EXOC4: variants seen among roughly 807,000 people sequenced by gnomAD.
EXOC4 encodes the protein exocyst complex component 4, also known as SEC8-like 1.
EXOC4 carries 71 observed loss-of-function variants against 107.2 expected under a neutral mutation model. The observed-to-expected ratio is 0.66, with a 90% CI of 0.55 to 0.81. The LOEUF is 0.81. Among genes scored for constraint, EXOC4 ranks in the 30% least tolerant of loss-of-function variants. The pLI, the probability that EXOC4 is intolerant of heterozygous loss-of-function variation, is 0.00. For synonymous variants in EXOC4, 456 were observed against 441.2 expected (o/e 1.03, Z -0.42); for missense variants, 1,108 against 1,189.6 (o/e 0.93, Z 1.01).
At chr7:133,482,017 C>T (rs1427734761) in intron 9 of EXOC4, among the ~76,000 whole-genome samples, 4 of 152,154 alleles carry the variant, frequency 2.6e-5, no homozygotes, top group Admixed American at 6.6e-5. Flanking sequence ...TCCACACTCA[C>T]GGTATCCTAA....
In EXOC4 at chr7:133,855,224, CA is replaced by C. The variant is rs575840119; in HGVS notation, c.1734+37682del. On this transcript the variant is annotated intron_variant, in intron 11 of 17. Coordinates refer to ENST00000253861, the MANE Select transcript of EXOC4 (RefSeq NM_021807.4). Reference sequence around the variant, plus strand: ...TTTTTCATGTACGGCTTACCCCAGACAATCAGTAGAGCACCTCTGCTGCTTT... The same window carrying C: ...TTTTTCATGTACGGCTTACCCCAGACATCAGTAGAGCACCTCTGCTGCTTT... 2.4e-3 allele frequency among the ~76,000 whole-genome samples: 350 copies of C among 147,804 alleles called. 1 individual carries two copies. The highest frequency in any genetic ancestry group is 0.013 in the South Asian group (59 of 4,682).
At chr7:134,029,428 T>C (rs185351826) in intron 17 of EXOC4, among the ~76,000 whole-genome samples, 276 of 152,312 alleles carry the variant, frequency 1.8e-3, no homozygotes, top group African/African-American at 6.4e-3. Context: ...TAGGGCTGGA[T>C]GGAGAATAGC....
At chr7:133,471,010 A>G (rs551837249) in intron 7 of EXOC4, among the ~76,000 whole-genome samples, 16 of 152,344 alleles carry the variant, frequency 1.1e-4, no homozygotes, top group African/African-American at 3.1e-4. Context: ...TTATATTTTA[A>G]TACTAGGCAT....
At chr7:133,714,810 C>G (rs1794966511) in intron 10 of EXOC4, among the ~76,000 whole-genome samples, 1 of 152,112 alleles carries the variant, frequency 6.6e-6, no homozygotes, top group Non-Finnish European at 1.5e-5. Context: ...AACCAGTCCC[C>G]ATACAGATAC....
chr7:133,931,577 C>A (rs1178508311), intron 13 of EXOC4, among the ~76,000 whole-genome samples: 6 of 152,100 alleles, frequency 3.9e-5, no homozygotes, highest in African/African-American at 1.4e-4. Flanking sequence ...GTAACTTAAA[C>A]TAAAAGTATA....
At chr7:133,547,017 G>C (rs530634552) in intron 9 of EXOC4, among the ~76,000 whole-genome samples, 59 of 152,178 alleles carry the variant, frequency 3.9e-4, no homozygotes, top group African/African-American at 1.3e-3. Context: ...CATTATCGAA[G>C]GTGACATTTA....
chr7:133,802,673 A>G (rs911998429), intron 10 of EXOC4, among the ~76,000 whole-genome samples: 1 of 151,954 alleles, frequency 6.6e-6, no homozygotes, highest in Non-Finnish European at 1.5e-5. Context: ...AGCCTGCCCA[A>G]CATGGCTACT....
intron 10 of EXOC4, among the ~76,000 whole-genome samples, chr7:133,792,107 T>C (rs1343296973): frequency 6.6e-6 from 1 of 152,102 alleles, no homozygotes; most frequent in African/African-American, 2.4e-5. Flanking sequence ...ACTCGTGGCA[T>C]CGGGCAGTTC....
rs528619069 is a variant in EXOC4 at position 133,287,227 on chromosome 7, T to A, written c.277-1695T>A. On this transcript the variant is annotated intron_variant, in intron 2 of 17. Coordinates refer to ENST00000253861, the MANE Select transcript of EXOC4 (RefSeq NM_021807.4). The stretch of plus-strand genomic sequence containing the variant: ...ACCTTGGTGGGATTGCAGGAAGGAG[T>A]AGAAATAATTGGAATCATCTTCATC... Among the ~76,000 whole-genome samples the A allele has an allele frequency of 3.9e-5, 6 of 152,050 alleles. No homozygotes were observed. The South Asian group carries it at 1.2e-3, about 32-fold the overall frequency.
chr7:134,059,452 C>G (rs1796004915), intron 17 of EXOC4, among the ~76,000 whole-genome samples: 1 of 152,096 alleles, frequency 6.6e-6, no homozygotes, highest in African/African-American at 2.4e-5. Context: ...TACACGCATA[C>G]CTACATACAT....
intron 9 of EXOC4, among the ~76,000 whole-genome samples, chr7:133,600,518 A>G (rs932187795): frequency 3.9e-5 from 6 of 152,226 alleles, no homozygotes; most frequent in Non-Finnish European, 8.8e-5. Flanking sequence ...TGTACCCTCT[A>G]TTACTTGCAC....
chr7:133,581,739 A>C (rs1434907365), intron 9 of EXOC4, among the ~76,000 whole-genome samples: 1 of 139,974 alleles, frequency 7.1e-6, no homozygotes, highest in Non-Finnish European at 1.5e-5. Context: ...GCTTGGGCGA[A>C]AGAGTGAGAC....
chr7:133,461,013 A>G (rs1798580134), intron 7 of EXOC4, among the ~76,000 whole-genome samples: 2 of 152,202 alleles, frequency 1.3e-5, no homozygotes, highest in Admixed American at 1.3e-4. Flanking sequence ...CTAGGAATTT[A>G]AAAGATAACT....
At chr7:133,359,069 T>C (rs886346915) in intron 6 of EXOC4, among the ~76,000 whole-genome samples, 5 of 152,190 alleles carry the variant, frequency 3.3e-5, no homozygotes, top group Admixed American at 2.6e-4. Flanking sequence ...AAATTCAAGA[T>C]TTGGGACCCA....
chr7:133,262,547 C>G (rs1795178674), intron 1 of EXOC4, among the ~76,000 whole-genome samples: 1 of 152,056 alleles, frequency 6.6e-6, no homozygotes, highest in Non-Finnish European at 1.5e-5. Flanking sequence ...AGTACAGAGT[C>G]TTTGTCAAAA....
intron 11 of EXOC4, among the ~76,000 whole-genome samples, chr7:133,821,941 G>T (rs758953298): frequency 6.6e-6 from 1 of 152,138 alleles, no homozygotes; most frequent in African/African-American, 2.4e-5. Flanking sequence ...TGTTTTCTGC[G>T]CATGGTATAA....
intron 7 of EXOC4, among the ~76,000 whole-genome samples, chr7:133,399,979 G>C (rs981466968): frequency 6.6e-6 from 1 of 152,150 alleles, no homozygotes; most frequent in Non-Finnish European, 1.5e-5. Flanking sequence ...GCTAGCTAAG[G>C]ACTCATAGTG....
At chr7:133,596,957 T>C (rs1801689138) in intron 9 of EXOC4, among the ~76,000 whole-genome samples, 1 of 152,168 alleles carries the variant, frequency 6.6e-6, no homozygotes, top group South Asian at 2.1e-4. Context: ...CAATCAGGGT[T>C]CTTTTTAGAG....
chr7:133,530,911 A>C (rs1041809233), intron 9 of EXOC4, among the ~76,000 whole-genome samples: 1 of 152,172 alleles, frequency 6.6e-6, no homozygotes, highest in Non-Finnish European at 1.5e-5. Context: ...GGTTTGGCAA[A>C]TTAACTGCAT....
Sources: allele counts gnomAD v4.1 joint callset (sites outside exome capture counted in the v4.1 genomes callset), GRCh38; gene constraint gnomAD v4.1.1; transcripts MANE v1.5; gene names NCBI Gene and HGNC (gene_info 2026-07-23, HGNC 2026-07-21).